RNF212: variants seen among roughly 807,000 people sequenced by gnomAD.
RNF212 encodes probable E3 SUMO-protein ligase RNF212.
A neutral mutation model predicts 34.7 loss-of-function variants in RNF212; 33 were observed. That is an observed-to-expected ratio of 0.95 (90% CI 0.72 to 1.27). The LOEUF (loss-of-function observed/expected upper bound fraction) is 1.27, where lower values mean the gene tolerates loss of function less well. Among genes scored for constraint, RNF212 ranks in the 50% most tolerant of loss-of-function variants. The probability of loss-of-function intolerance (pLI) is 0.00; values close to 1 mark genes in which losing one functional copy is unlikely to be tolerated. For synonymous variants in RNF212, 140 were observed against 136.1 expected (o/e 1.03, Z -0.20); for missense variants, 377 against 362.2 (o/e 1.04, Z -0.33).
chr4:1,070,217 C>T (rs535109099), downstream of RNF212, among the ~76,000 whole-genome samples: 215 of 143,092 alleles, frequency 1.5e-3, no homozygotes, highest in Middle Eastern at 9.4e-3. Context: ...GCTGTGTCAG[C>T]GTGGGTGCCT....
chr4:1,082,118 C>A (rs1720449785), intron 5 of RNF212, among the ~76,000 whole-genome samples: 1 of 151,246 alleles, frequency 6.6e-6, no homozygotes, highest in Non-Finnish European at 1.5e-5. Flanking sequence ...AGCAAGAACT[C>A]ATCTCAAAAA....
chr4:1,083,511 G>T (rs142698097), intron 5 of RNF212, among the ~76,000 whole-genome samples: 2,337 of 152,112 alleles, frequency 0.015, 57 homozygotes, highest in African/African-American at 0.053. Context: ...GGCGTGGTGG[G>T]GCTGTAATCC....
In RNF212 at chr4:1,090,807, C is replaced by T. The variant is rs538442566; in HGVS notation, c.278G>A (p.Arg93Lys). ...ILEFQEKHRKRLLAFYREKIS... is the reference protein window; with the variant it reads ...ILEFQEKHRKKLLAFYREKIS... Reference sequence around the variant, plus strand: ...CTTTTCTCTATAGAAGGCTAACAATCTCTTCCTGTGTTTTTCTTGAAATTC... The same window carrying T: ...CTTTTCTCTATAGAAGGCTAACAATTTCTTCCTGTGTTTTTCTTGAAATTC... The change falls in exon 4 of 10, where the codon AGA (arginine) becomes AAA (lysine). Residue 93 changes from arginine to lysine, a missense_variant. Physicochemically the swap from Arg to Lys is conservative, Grantham distance 26. Coordinates refer to ENST00000433731, the MANE Select transcript of RNF212 (RefSeq NM_001131034.4). The T allele has an allele frequency of 6.9e-6, 11 of 1,594,498 alleles. No individual in the cohort carries two copies. Among genetic ancestry groups the T allele is most frequent in the Non-Finnish European group, 3.4e-6 (4 of 1,163,218 alleles).
chr4:1,065,994 G>A (rs185328923), intron 3 of RNF212, among the ~76,000 whole-genome samples: 107 of 144,864 alleles, frequency 7.4e-4, no homozygotes, highest in African/African-American at 2.5e-3. Context: ...CTGCCTCTGT[G>A]TTCCAAGTAG....
intron 8 of RNF212, 191 bp from the exon 9 acceptor site, chr4:1,073,853 T>TG (rs1718835017): frequency 1.6e-6 from 1 of 612,898 alleles, no homozygotes; most frequent in African/African-American, 1.8e-5. Flanking sequence ...GTAGAGGTGG[T>TG]GTGGGTGGGT....
At chr4:1,076,980 A>T (rs1462351278) in intron 8 of RNF212, among the ~76,000 whole-genome samples, 1 of 152,236 alleles carries the variant, frequency 6.6e-6, no homozygotes, top group African/African-American at 2.4e-5. Flanking sequence ...CTGTAATCCC[A>T]GCACTTTGGG....
downstream of RNF212, among the ~76,000 whole-genome samples, chr4:1,067,853 G>T (rs547710150): frequency 6.8e-6 from 1 of 147,430 alleles, no homozygotes; most frequent in Non-Finnish European, 1.5e-5. Context: ...GGGCGACACA[G>T]CGAGACTCTG....
chr4:1,064,969 G>C (rs1367096720), intron 3 of RNF212, among the ~76,000 whole-genome samples: 2 of 149,980 alleles, frequency 1.3e-5, no homozygotes, highest in Non-Finnish European at 2.9e-5. Flanking sequence ...GCGTGTGCCA[G>C]AGTTTCCTTC....
At chr4:1,107,741 C>T (rs778369567) in intron 2 of RNF212, among the ~76,000 whole-genome samples, 1 of 152,208 alleles carries the variant, frequency 6.6e-6, no homozygotes, top group East Asian at 1.9e-4. Flanking sequence ...TGAGCCATCA[C>T]GCCCGGCAGG....
intron 4 of RNF212, chr4:1,058,281 TTAGAACGCAGTGAAGAAGGTGCTTGCG>T: frequency 6.1e-6 from 4 of 653,380 alleles, no homozygotes; most frequent in Non-Finnish European, 7.5e-6. Context: ...CTTGCGGGGG[TTAGAACGCAGTGAAGAAGGTGCTTGCG>T]GGGGGGCACT....
chr4:1,097,979 C>T (rs188432437), intron 2 of RNF212, among the ~76,000 whole-genome samples: 45 of 151,798 alleles, frequency 3.0e-4, no homozygotes, highest in Middle Eastern at 6.8e-3. Context: ...GCAGAAGAAT[C>T]GCTTGAACCC....
At chr4:1,065,010 C>T (rs6599278) in intron 3 of RNF212, among the ~76,000 whole-genome samples, 123,561 of 152,316 alleles carry the variant, frequency 0.81, 50,831 homozygotes, top group African/African-American at 0.94. Context: ...GCCCACTGTA[C>T]GGAGACACAC....
chr4:1,078,697 C>T (rs11940546), intron 8 of RNF212, among the ~76,000 whole-genome samples: 86,019 of 152,148 alleles, frequency 0.57, 26,322 homozygotes, highest in Non-Finnish European at 0.68. Flanking sequence ...CCAACAGAGA[C>T]TGACAGGGAC....
chr4:1,092,738 C>A (rs1722384476), intron 3 of RNF212, among the ~76,000 whole-genome samples: 1 of 152,348 alleles, frequency 6.6e-6, no homozygotes, highest in East Asian at 1.9e-4. Context: ...CAGCCCAGGG[C>A]CCCAAGGAAG....
Position 1,090,767 on chromosome 4 carries a change from A to C in RNF212, c.303+15T>G, listed in dbSNP as rs774447091. 6.8e-7 allele frequency: 1 copy of C among 1,461,216 alleles called. No individual in the cohort carries two copies. Among genetic ancestry groups the C allele is most frequent in the Non-Finnish European group, 9.6e-7 (1 of 1,044,876 alleles). The allele number at this position is 1,461,216 out of a possible 1,614,324, so 90.5% of individuals were successfully genotyped here. A position where few individuals can be genotyped will look rare whatever the true frequency, so the allele number is the denominator to read the frequency against. On this transcript the variant is annotated intron_variant, in intron 4 of 9. Transcript: ENST00000433731. ...GTCAAAAAAATTCAAGTGGCAATGA[A>C]TCAATTCCACTTACCTTTTCTCTAT...
chr4:1,111,052 C>T (rs908237032), intron 1 of RNF212, among the ~76,000 whole-genome samples: 1 of 152,212 alleles, frequency 6.6e-6, no homozygotes, highest in South Asian at 2.1e-4. Flanking sequence ...AAGGCACACG[C>T]GTCTCCATCA....
chr4:1,081,832 C>T (rs1720403938), intron 5 of RNF212: 1 of 555,898 alleles, frequency 1.8e-6, no homozygotes, highest in South Asian at 2.1e-5. Context: ...GAACTCAACA[C>T]CCCACTGCCA....
chr4:1,093,289 A>G (rs1722483531), intron 3 of RNF212: 1 of 770,542 alleles, frequency 1.3e-6, no homozygotes, highest in Non-Finnish European at 1.8e-6. Context: ...TATTTACCCT[A>G]TTAGAAATTA....
At chr4:1,083,968 G>A (rs1311108208) in intron 5 of RNF212, among the ~76,000 whole-genome samples, 1 of 126,406 alleles carries the variant, frequency 7.9e-6, no homozygotes, top group Non-Finnish European at 1.7e-5. Context: ...TTTTTTGAGA[G>A]ACGGAGTTTT....
Sources: allele counts gnomAD v4.1 joint callset (sites outside exome capture counted in the v4.1 genomes callset), GRCh38; gene constraint gnomAD v4.1.1; transcripts MANE v1.5; gene names NCBI Gene and HGNC (gene_info 2026-07-23, HGNC 2026-07-21).